DLEC1: variants seen among roughly 807,000 people sequenced by gnomAD.
The protein encoded by DLEC1 is deleted in lung and esophageal cancer protein 1.
In DLEC1, 146 loss-of-function variants were observed where a neutral mutation model predicts 198.1. The observed-to-expected ratio is 0.74, with a 90% confidence interval of 0.64 to 0.85. The LOEUF (loss-of-function observed/expected upper bound fraction) is 0.85. Ranked by LOEUF, DLEC1 falls within the 40% of genes least tolerant of loss-of-function variation. The pLI, the probability that DLEC1 is intolerant of heterozygous loss-of-function variation, is 0.00. For synonymous variants in DLEC1, 897 were observed against 866.8 expected (o/e 1.03, Z -0.61); for missense variants, 2,233 against 2,220.0 (o/e 1.01, Z -0.12).
Position 38,116,873 on chromosome 3 carries a change from T to C in DLEC1, c.4163T>C (p.Ile1388Thr). The change falls in exon 29 of 37, where the codon ATC (isoleucine) becomes ACC (threonine). Residue 1388 changes from isoleucine (I) to threonine (T), a missense_variant. Physicochemically the swap from Ile to Thr is moderately conservative, Grantham distance 89. Coordinates refer to ENST00000308059, the MANE Select transcript of DLEC1 (RefSeq NM_007335.4). ...EGVPSGHLYC[I>T]SPKQVVVPAG... ...GTGCCCTCCGGCCACCTGTACTGTATCAGCCCCAAGCAGGTGGTGAGTTGG... is the reference window on the plus strand; with the variant it reads ...GTGCCCTCCGGCCACCTGTACTGTACCAGCCCCAAGCAGGTGGTGAGTTGG... The C allele has an allele frequency of 6.2e-7, 1 of 1,613,512 alleles. No homozygotes were observed. Among genetic ancestry groups the C allele is most frequent in the Non-Finnish European group, 8.5e-7 (1 of 1,179,738 alleles).
At chr3:38,055,487 A>T (rs553678824) in intron 2 of DLEC1, among the ~76,000 whole-genome samples, 1 of 152,342 alleles carries the variant, frequency 6.6e-6, no homozygotes, top group South Asian at 2.1e-4. Context: ...ACTCTTCACC[A>T]TCAGCTTAGA....
At chr3:38,109,398 G>A (rs1699742261) in intron 21 of DLEC1, 34 bp from the exon 22 acceptor site, 2 of 1,613,476 alleles carry the variant, frequency 1.2e-6, no homozygotes, top group South Asian at 2.2e-5. Context: ...GAGGCCCCAG[G>A]CCTGGTCTGA....
intron 6 of DLEC1, among the ~76,000 whole-genome samples, chr3:38,066,396 G>C (rs1697031980): frequency 6.6e-6 from 1 of 151,988 alleles, no homozygotes; most frequent in Non-Finnish European, 1.5e-5. Context: ...CCTCTTTCTT[G>C]TACTCTCCTG....
chr3:38,043,752 G>A (rs932421753), intron 1 of DLEC1, among the ~76,000 whole-genome samples: 1 of 151,980 alleles, frequency 6.6e-6, no homozygotes, highest in African/African-American at 2.4e-5. Context: ...GCAGTGCAAT[G>A]GCACAATCTC....
chr3:38,100,326 A>G lies in DLEC1; in HGVS notation c.2765A>G (p.His922Arg). ...ATTGAGCCTTCGAGTGGCCAGCTTC[A>G]CTCTCTGGGGGAGTGCAGGGTGGAC... is the stretch of plus-strand genomic sequence containing the variant. ...FDIEPSSGQLHSLGECRVDIT... is the reference protein window; with the variant it reads ...FDIEPSSGQLRSLGECRVDIT... The change falls in exon 19 of 37, where the codon CAC becomes CGC. Residue 922 changes from histidine (H) to arginine (R), a missense_variant. By Grantham distance (29) the His-to-Arg change is conservative (BLOSUM62 0). Coordinates refer to ENST00000308059, the MANE Select transcript of DLEC1 (RefSeq NM_007335.4). The G allele has an allele frequency of 6.2e-7, 1 of 1,612,666 alleles. No homozygotes were observed. Among genetic ancestry groups the G allele is most frequent in the Non-Finnish European group, 8.5e-7 (1 of 1,179,642 alleles).
intron 2 of DLEC1, 111 bp downstream of exon 2, chr3:38,045,804 G>A (rs980718949): frequency 8.9e-7 from 1 of 1,123,324 alleles, no homozygotes; most frequent in Non-Finnish European, 1.2e-6. Context: ...TGGAGAGCAA[G>A]TCGCAGACAT....
At chr3:38,075,741 G>T (rs926338971) in intron 6 of DLEC1, among the ~76,000 whole-genome samples, 1 of 152,066 alleles carries the variant, frequency 6.6e-6, no homozygotes, top group African/African-American at 2.4e-5. Flanking sequence ...AGAGGTTGGG[G>T]CATGGAAATA....
intron 12 of DLEC1, among the ~76,000 whole-genome samples, chr3:38,094,450 C>G (rs1698903565): frequency 6.6e-6 from 1 of 152,140 alleles, no homozygotes; most frequent in Non-Finnish European, 1.5e-5. Context: ...TCCTGGGAGC[C>G]CATAACAGGA....
In DLEC1 at chr3:38,039,445, C is replaced by A; in HGVS notation, c.220C>A (p.Arg74Ser). The A allele has an allele frequency of 3.7e-6, 6 of 1,613,764 alleles. No homozygotes were observed. Among genetic ancestry groups the A allele is most frequent in the Non-Finnish European group, 5.1e-6 (6 of 1,179,746 alleles). ...CCTCACGCAGCTTGCGCTGGCGCAGCGTCCCGAGCCTCAGCTGCTTCGTCT... is the reference window on the plus strand; with the variant it reads ...CCTCACGCAGCTTGCGCTGGCGCAGAGTCCCGAGCCTCAGCTGCTTCGTCT... ...RRLTQLALAQ[R>S]PEPQLLRLRP... The change falls in exon 1 of 37, where the codon CGT becomes AGT. Residue 74 changes from arginine (R) to serine (S), a missense_variant. Physicochemically the swap from Arg to Ser is moderately radical, Grantham distance 110. Coordinates refer to ENST00000308059, the MANE Select transcript of DLEC1 (RefSeq NM_007335.4).
Position 38,054,218 on chromosome 3 carries a change from A to AAAAC in DLEC1, c.563-5508_563-5505dup, listed in dbSNP as rs71094942. 4.0e-5 allele frequency among the ~76,000 whole-genome samples: 6 copies of AAAAC among 151,752 alleles called. No individual in the cohort carries two copies. In the South Asian group the frequency reaches 1.3e-3, roughly 32 times the overall value. ...ATACTAAAAAAAAAAACAAAACAAA[A>AAAAC]AAACAAACAAACAAACAAAAACAAA... On this transcript the variant is annotated intron_variant, in intron 2 of 36. Coordinates refer to ENST00000308059, the MANE Select transcript of DLEC1 (RefSeq NM_007335.4).
chr3:38,058,153 A>C (rs1381821656), intron 2 of DLEC1, among the ~76,000 whole-genome samples: 1 of 152,150 alleles, frequency 6.6e-6, no homozygotes, highest in Non-Finnish European at 1.5e-5. Context: ...TGTGAAGTAT[A>C]CTTAAATTAC....
Position 38,121,722 on chromosome 3 carries a change from T to A in DLEC1, c.4961T>A (p.Val1654Asp), listed in dbSNP as rs760771851. The change falls in exon 35 of 37, where the codon GTC (valine) becomes GAC (aspartate). Residue 1654 changes from valine (V) to aspartate (D), a missense_variant. Val to Asp is a radical substitution (Grantham distance 152). Coordinates refer to ENST00000308059, the MANE Select transcript of DLEC1 (RefSeq NM_007335.4). ...ACCTGCTTTGTGAGCCAGCAGCGAGTCCGGGAGGTCTACCTGATGAACCTG... is the reference window on the plus strand; with the variant it reads ...ACCTGCTTTGTGAGCCAGCAGCGAGACCGGGAGGTCTACCTGATGAACCTG... Reference protein sequence around the residue: ...FGTCFVSQQRVREVYLMNLSG... With the variant: ...FGTCFVSQQRDREVYLMNLSG... 2 of 1,613,792 alleles carry A rather than the reference T, an allele frequency of 1.2e-6. No homozygotes were observed. Among genetic ancestry groups the A allele is most frequent in the African/African-American group, 1.3e-5 (1 of 74,846 alleles).
Position 38,052,372 on chromosome 3 carries a change from T to G in DLEC1, c.562+6679T>G, listed in dbSNP as rs141114427. The G allele has an allele frequency of 3.3e-3, 991 of 300,592 alleles. 7 individuals carry two copies. Among genetic ancestry groups the G allele is most frequent in the Middle Eastern group, 0.011 (23 of 2,026 alleles). The allele number at this position is 300,592 out of a possible 1,614,324, so 18.6% of individuals were successfully genotyped here. A position where few individuals can be genotyped will look rare whatever the true frequency, so the allele number is the denominator to read the frequency against. On this transcript the variant is annotated intron_variant, in intron 2 of 36. Transcript: ENST00000308059. ...TGAGAATGACTGCATCTTTGATAGC[T>G]TTGAATGTTGCTGGAATGGTTCGGA...
intron 1 of DLEC1, among the ~76,000 whole-genome samples, chr3:38,043,332 C>A (rs369360979): frequency 6.6e-6 from 1 of 152,164 alleles, no homozygotes; most frequent in Non-Finnish European, 1.5e-5. Context: ...ACATGGTAAG[C>A]CCTCAGTAAG....
Position 38,097,271 on chromosome 3 carries a change from C to T in DLEC1, c.2430C>T (p.Val810=). The change falls in exon 16 of 37, where the codon GTC becomes GTT. Residue 810 remains valine, a synonymous_variant. Transcript: ENST00000308059. The part of the protein sequence containing the change: ...HIIEVEPGTG[V]IEPSEVGDFE... ...TTGAAGTGGAGCCCGGCACAGGGGT[C>T]ATAGGTACCTTGGGGACTGCAGGAG... is the stretch of plus-strand genomic sequence containing the variant. 1 of 1,578,612 alleles carries T rather than the reference C, an allele frequency of 6.3e-7. No homozygotes were observed. The highest frequency in any genetic ancestry group is 8.6e-7 in the Non-Finnish European group (1 of 1,161,018).
At chr3:38,084,874 T>C (rs1326519201) in intron 7 of DLEC1, among the ~76,000 whole-genome samples, 1 of 152,058 alleles carries the variant, frequency 6.6e-6, no homozygotes, top group African/African-American at 2.4e-5. Context: ...TCTCTATTCC[T>C]CACTTAAGCC....
At chr3:38,099,795 G>T (rs1015128301) in intron 18 of DLEC1, among the ~76,000 whole-genome samples, 1 of 140,576 alleles carries the variant, frequency 7.1e-6, no homozygotes, top group Non-Finnish European at 1.5e-5. Flanking sequence ...GTGGGGGCGG[G>T]TAAATGAGGC....
chr3:38,084,530 A>AGTAGTGGTGGTGGTG (rs1698307339), intron 7 of DLEC1, among the ~76,000 whole-genome samples: 1 of 85,404 alleles, frequency 1.2e-5, no homozygotes, highest in Non-Finnish European at 2.3e-5. Flanking sequence ...TAGTAGTAGT[A>AGTAGTGGTGGTGGTG]GTGGTGGTGG....
chr3:38,114,576 G>A, intron 26 of DLEC1, 116 bp downstream of exon 26: 1 of 1,038,358 alleles, frequency 9.6e-7, no homozygotes. Flanking sequence ...GGCCATTGGT[G>A]CCACCTACAA....
Sources: gnomAD v4.1 joint callset for allele counts (sites outside exome capture counted in the v4.1 genomes callset) on GRCh38, gnomAD v4.1.1 for gene constraint, MANE v1.5 for transcripts, NCBI Gene and HGNC (gene_info 2026-07-23, HGNC 2026-07-21) for gene names.